Variants in FAM227B observed in about 807,000 individuals in gnomAD.
The protein encoded by FAM227B is family with sequence similarity 227 member B.
FAM227B carries 88 observed loss-of-function variants against 73.8 expected under a neutral mutation model. The observed-to-expected ratio is 1.19, with a 90% confidence interval of 1.00 to 1.42. The LOEUF is 1.42. FAM227B is among the 40% of genes most tolerant of loss of function. The probability of loss-of-function intolerance (pLI) is 0.00; values close to 1 mark genes in which losing one functional copy is unlikely to be tolerated. For synonymous variants in FAM227B, 210 were observed against 190.5 expected (o/e 1.10, Z -0.84); for missense variants, 632 against 590.9 (o/e 1.07, Z -0.72).
chr15:49,527,106 T>A (rs1469180347), intron 10 of FAM227B, among the ~76,000 whole-genome samples: 1 of 151,902 alleles, frequency 6.6e-6, no homozygotes, highest in Admixed American at 6.6e-5. Context: ...CAGTTCAATA[T>A]TTCTGATGAA....
intron 13 of FAM227B, among the ~76,000 whole-genome samples, chr15:49,347,447 T>G (rs1019087385): frequency 6.6e-5 from 10 of 152,148 alleles, no homozygotes; most frequent in African/African-American, 2.2e-4. Flanking sequence ...ATAGGACAGA[T>G]TATTGATGAC....
rs149882209 is a variant in FAM227B at position 49,353,528 on chromosome 15, G to A, written c.1271+13920C>T. ...ATAGCTCACATTTCATCAAGTTAAC[G>A]TGTGCTTTCCATTATCTGAAAAATC... On this transcript the variant is annotated intron_variant, in intron 13 of 15. Coordinates refer to ENST00000299338, the MANE Select transcript of FAM227B (RefSeq NM_152647.3). The A allele has an allele frequency of 1.5e-3, 232 of 151,734 alleles. 1 individual carries two copies. Among genetic ancestry groups the A allele is most frequent in the African/African-American group, 5.1e-3 (212 of 41,366 alleles). The allele number at this position is 151,734 out of a possible 1,614,324, so 9.4% of individuals were successfully genotyped here.
chr15:49,489,819 AT>A (rs1203386943), intron 11 of FAM227B, among the ~76,000 whole-genome samples: 2 of 58,766 alleles, frequency 3.4e-5, no homozygotes, highest in African/African-American at 7.7e-5. Flanking sequence ...ATATATATAT[AT>A]TTTATATATA....
chr15:49,361,935 A>T (rs1372541944), intron 13 of FAM227B, among the ~76,000 whole-genome samples: 1 of 152,110 alleles, frequency 6.6e-6, no homozygotes, highest in African/African-American at 2.4e-5. Context: ...CATAGTAGCC[A>T]TTCTAACTGG....
chr15:49,433,637 T>C (rs966304529), intron 11 of FAM227B, among the ~76,000 whole-genome samples: 1 of 151,620 alleles, frequency 6.6e-6, no homozygotes, highest in Non-Finnish European at 1.5e-5. Flanking sequence ...TTCTAGGTGA[T>C]TTCAAGGAAC....
intron 13 of FAM227B, among the ~76,000 whole-genome samples, chr15:49,351,641 A>T (rs901526945): frequency 6.6e-6 from 1 of 152,094 alleles, no homozygotes; most frequent in Non-Finnish European, 1.5e-5. Context: ...AGCGTGTAGG[A>T]GGCTTATTTG....
intron 11 of FAM227B, among the ~76,000 whole-genome samples, chr15:49,386,856 G>T (rs2046915243): frequency 6.6e-6 from 1 of 151,772 alleles, no homozygotes; most frequent in Non-Finnish European, 1.5e-5. Context: ...AATCATTCAA[G>T]ACTATTATGA....
At chr15:49,420,076 T>A (rs1416668517) in intron 11 of FAM227B, among the ~76,000 whole-genome samples, 1 of 152,216 alleles carries the variant, frequency 6.6e-6, no homozygotes, top group African/African-American at 2.4e-5. Flanking sequence ...TCTTACCTAC[T>A]GCTGGTGGGA....
chr15:49,394,433 T>G (rs973648327), intron 11 of FAM227B, among the ~76,000 whole-genome samples: 3 of 151,654 alleles, frequency 2.0e-5, no homozygotes, highest in Admixed American at 6.6e-5. Flanking sequence ...TGCTGGAGAG[T>G]TGAAGAGAAA....
intron 11 of FAM227B, among the ~76,000 whole-genome samples, chr15:49,413,117 A>C (rs1473203978): frequency 6.6e-6 from 1 of 152,024 alleles, no homozygotes; most frequent in East Asian, 1.9e-4. Context: ...TTTGTCTCTG[A>C]TATGGTTTGG....
intron 13 of FAM227B, among the ~76,000 whole-genome samples, chr15:49,363,103 C>G (rs577753264): frequency 6.6e-6 from 1 of 152,208 alleles, no homozygotes; most frequent in African/African-American, 2.4e-5. Context: ...CTTGGCTGTT[C>G]AAGCTCTTTT....
intron 12 of FAM227B, chr15:49,367,839 A>T (rs575499671): frequency 4.2e-6 from 1 of 237,826 alleles, no homozygotes. Flanking sequence ...GCATATAGGC[A>T]ATAGACATTA....
chr15:49,365,421 A>G (rs1179981131), intron 13 of FAM227B: 3 of 986,182 alleles, frequency 3.0e-6, no homozygotes, highest in African/African-American at 3.2e-5. Flanking sequence ...CTTCTACAGT[A>G]CGCAAGCAAC....
intron 11 of FAM227B, among the ~76,000 whole-genome samples, chr15:49,443,605 A>G (rs889686354): frequency 2.0e-5 from 3 of 151,754 alleles, no homozygotes; most frequent in African/African-American, 7.3e-5. Context: ...TAGTATCTCT[A>G]AAAACTATGA....
At position 49,541,918 on chromosome 15, in the gene FAM227B, T is replaced by A. The variant is rs577549656; in HGVS notation, c.748-112A>T. On this transcript the variant is annotated intron_variant, in intron 9 of 15. Coordinates refer to ENST00000299338, the MANE Select transcript of FAM227B (RefSeq NM_152647.3). The stretch of plus-strand genomic sequence containing the variant: ...TTTGCCTTGCAATTTATTAACCGAA[T>A]AAAAATTCGCCATTTTTTAAATTCT... 6 of 861,514 alleles carry A rather than the reference T, an allele frequency of 7.0e-6. No homozygotes were observed. The East Asian group carries it at 1.0e-4, about 15-fold the overall frequency. The allele number at this position is 861,514 out of a possible 1,614,324, so 53.4% of individuals were successfully genotyped here.
At chr15:49,388,370 A>G (rs1567193643) in intron 11 of FAM227B, among the ~76,000 whole-genome samples, 2 of 151,930 alleles carry the variant, frequency 1.3e-5, no homozygotes, top group Admixed American at 6.6e-5. Context: ...ACACAAAAAT[A>G]TAAGTTAGGG....
chr15:49,352,702 A>C (rs1285935356), intron 13 of FAM227B, among the ~76,000 whole-genome samples: 1 of 152,182 alleles, frequency 6.6e-6, no homozygotes, highest in Non-Finnish European at 1.5e-5. Flanking sequence ...ACAGTGAACA[A>C]ATTAAAATAG....
intron 15 of FAM227B, chr15:49,330,988 T>TG (rs1489285393): frequency 2.6e-5 from 4 of 152,232 alleles, no homozygotes; most frequent in African/African-American, 9.7e-5. Flanking sequence ...TGAATAGTCC[T>TG]GTTTGCTTAT....
intron 3 of FAM227B, among the ~76,000 whole-genome samples, chr15:49,592,694 T>C (rs2076653752): frequency 1.3e-5 from 2 of 152,208 alleles, no homozygotes; most frequent in African/African-American, 4.8e-5. Context: ...TCAAATGCCA[T>C]GCTGGGAGAA....
Sources: gnomAD v4.1 joint callset for allele counts (sites outside exome capture counted in the v4.1 genomes callset) on GRCh38, gnomAD v4.1.1 for gene constraint, MANE v1.5 for transcripts, NCBI Gene and HGNC (gene_info 2026-07-23, HGNC 2026-07-21) for gene names.